Variants in REEP5 observed in about 807,000 individuals in gnomAD.
The protein encoded by REEP5 is receptor expression-enhancing protein 5.
A neutral mutation model predicts 22.4 loss-of-function variants in REEP5; 24 were observed. The ratio of observed to expected loss-of-function variants is 1.07; its 90% confidence interval spans 0.78 to 1.51. The LOEUF is 1.51. Ranked by LOEUF, REEP5 falls within the 40% of genes most tolerant of loss-of-function variation. The pLI is 0.00. For missense variants in REEP5, 252 were observed against 233.0 expected (o/e 1.08, Z -0.53); for synonymous variants, 103 against 88.6 (o/e 1.16, Z -0.92).
chr5:112,913,290 T>C (rs1769147969), intron 2 of REEP5, among the ~76,000 whole-genome samples: 1 of 119,116 alleles, frequency 8.4e-6, no homozygotes, highest in Non-Finnish European at 1.7e-5. Context: ...GGAAACTCCA[T>C]CAAGAAAGAA....
chr5:112,919,786 A>T (rs1466619678), intron 2 of REEP5, among the ~76,000 whole-genome samples: 1 of 152,126 alleles, frequency 6.6e-6, no homozygotes, highest in South Asian at 2.1e-4. Context: ...ATAAATTTCT[A>T]TTGTTTATAA....
intron 4 of REEP5, among the ~76,000 whole-genome samples, chr5:112,886,048 C>A (rs951928441): frequency 1.3e-5 from 2 of 152,218 alleles, no homozygotes; most frequent in Admixed American, 6.5e-5. Context: ...TTGGTGCAAA[C>A]CATTCTAAGG....
rs1767966202 is a variant in REEP5, at chr5:112,878,550, G to A, written c.*236C>T. On this transcript the variant is annotated 3_prime_UTR_variant, in exon 5 of 5. Transcript: ENST00000379638. ...CAACATACATCTTTTCCTACCCAGA[G>A]GCAAAATACATTTTCCAAAAACGTG... The A allele has an allele frequency of 1.9e-6, 1 of 514,362 alleles. No homozygotes were observed. Among genetic ancestry groups the A allele is most frequent in the South Asian group, 3.6e-5 (1 of 27,930 alleles). The allele number at this position is 514,362 out of a possible 1,614,324, so 31.9% of individuals were successfully genotyped here. A position where few individuals can be genotyped will look rare whatever the true frequency, so the allele number is the denominator to read the frequency against.
intron 3 of REEP5, chr5:112,891,552 G>C: frequency 3.9e-6 from 6 of 1,519,462 alleles, no homozygotes; most frequent in South Asian, 3.6e-5. Context: ...TTCATAAGTA[G>C]AATCACTGAC....
rs545220341 is a variant in REEP5, at chr5:112,879,574, T to C, written c.521-739A>G. Among the ~76,000 whole-genome samples, 64 of 152,168 alleles carry C rather than the reference T, an allele frequency of 4.2e-4. 1 individual carries two copies. The East Asian group carries it at 4.7e-3, about 11-fold the overall frequency. ...CTACAGGCTCTGCCTCCCGGGTTCA[T>C]GCCATTCTCCTGCCTCAGCCTCCCG... On this transcript the variant is annotated intron_variant, in intron 4 of 4. Transcript: ENST00000379638.
Position 112,877,839 on chromosome 5 carries a change from A to AAATC in REEP5, c.*943_*946dup, listed in dbSNP as rs1435448342. On this transcript the variant is annotated 3_prime_UTR_variant, in exon 5 of 5. Transcript: ENST00000379638. ...AAAAAGAAGATTGGGAAAGAAGACT[A>AAATC]AATCAACATGTTTCTCCGCTTTGAA... The AAATC allele has an allele frequency of 6.6e-6, 1 of 152,224 alleles. No individual in the cohort carries two copies. The highest frequency in any genetic ancestry group is 2.1e-4 in the South Asian group (1 of 4,836). The allele number at this position is 152,224 out of a possible 1,614,324, so 9.4% of individuals were successfully genotyped here.
chr5:112,906,377 G>A (rs1330635443), intron 2 of REEP5, among the ~76,000 whole-genome samples: 1 of 152,192 alleles, frequency 6.6e-6, no homozygotes, highest in African/African-American at 2.4e-5. Context: ...ACAGTTCAGT[G>A]GCAAGCTGGA....
At chr5:112,921,381 G>A (rs1160813698) in intron 1 of REEP5, 125 bp from the exon 2 acceptor site, 2 of 892,258 alleles carry the variant, frequency 2.2e-6, no homozygotes, top group African/African-American at 1.7e-5. Flanking sequence ...TTAAAGGAGC[G>A]AGAAAAACAA....
chr5:112,899,253 T>A (rs1163112812), intron 3 of REEP5, among the ~76,000 whole-genome samples: 1 of 124,796 alleles, frequency 8.0e-6, no homozygotes, highest in Non-Finnish European at 1.6e-5. Flanking sequence ...ATTTGTTTTT[T>A]GGTTTTCGGT....
At chr5:112,898,507 G>A (rs1036786094) in intron 3 of REEP5, 1 of 152,134 alleles carries the variant, frequency 6.6e-6, no homozygotes, top group Non-Finnish European at 1.5e-5. Flanking sequence ...ATTTATTTTG[G>A]ATCTTCTCTC....
intron 2 of REEP5, among the ~76,000 whole-genome samples, chr5:112,914,565 A>T (rs1438434925): frequency 2.0e-5 from 3 of 152,198 alleles, no homozygotes; most frequent in Non-Finnish European, 4.4e-5. Flanking sequence ...AAAAGAGCAG[A>T]TGCAAATCCC....
chr5:112,884,935 G>A lies in REEP5; in HGVS notation c.520+2080C>T, dbSNP rs1414715054. Among the ~76,000 whole-genome samples the A allele has an allele frequency of 5.3e-5, 8 of 152,062 alleles. No individual in the cohort carries two copies. The East Asian group carries it at 1.5e-3, about 29-fold the overall frequency. On this transcript the variant is annotated intron_variant, in intron 4 of 4. Transcript: ENST00000379638. ...TTCGGTATGCTGGTTCACTGCCAGT[G>A]TTATGAACATGCTTGGCACATATTA...
At chr5:112,902,690 G>A (rs574169360) in intron 2 of REEP5, among the ~76,000 whole-genome samples, 172 bp from the exon 3 acceptor site, 6 of 152,096 alleles carry the variant, frequency 3.9e-5, no homozygotes, top group East Asian at 1.9e-4. Flanking sequence ...TGTGGATATC[G>A]GGACAAGCCA....
chr5:112,921,117 A>T, intron 2 of REEP5, 46 bp downstream of exon 2: 1 of 1,566,526 alleles, frequency 6.4e-7, no homozygotes, highest in Non-Finnish European at 8.8e-7. Flanking sequence ...CCCTGCGGGG[A>T]GGAATGGAGG....
chr5:112,896,699 G>A (rs1768689861), intron 3 of REEP5: 2 of 151,964 alleles, frequency 1.3e-5, no homozygotes, highest in Admixed American at 1.3e-4. Context: ...ACTTCGGGAG[G>A]CTGAGGTGGG....
intron 3 of REEP5, 146 bp from the exon 4 acceptor site, chr5:112,887,329 G>A: frequency 1.4e-6 from 1 of 736,112 alleles, no homozygotes; most frequent in Non-Finnish European, 2.0e-6. Context: ...GCAGGTTAAA[G>A]GTGGGCTTTC....
rs913328751 is a variant in REEP5, at chr5:112,898,082, C to G, written c.351+4298G>C. On this transcript the variant is annotated intron_variant, in intron 3 of 4. Coordinates refer to ENST00000379638, the MANE Select transcript of REEP5 (RefSeq NM_005669.5). ...CCAAAAAACAAAAAACAAAACAAAC[C>G]CATGTCCTTACTTGTAAGTCTCTTT... 16 of 152,110 alleles carry G rather than the reference C, an allele frequency of 1.1e-4. No homozygotes were observed. The East Asian group carries it at 1.5e-3, about 15-fold the overall frequency. 9.4% of individuals were successfully genotyped at this position (152,110 alleles called of 1,614,324 possible). A position where few individuals can be genotyped will look rare whatever the true frequency, so the allele number is the denominator to read the frequency against.
At chr5:112,921,547 T>G in intron 1 of REEP5, 3 of 450,290 alleles carry the variant, frequency 6.7e-6, no homozygotes, top group Non-Finnish European at 8.2e-6. Flanking sequence ...AGGCACCCGC[T>G]TCCGCCCTCT....
At chr5:112,921,137 G>GGAC (rs1554095265) in intron 2 of REEP5, 26 bp downstream of exon 2, 6 of 1,608,068 alleles carry the variant, frequency 3.7e-6, no homozygotes, top group Admixed American at 1.7e-5. Flanking sequence ...GAAGGGAAGG[G>GGAC]GACGGCTGCA....
Sources: allele counts gnomAD v4.1 joint callset (sites outside exome capture counted in the v4.1 genomes callset), GRCh38; gene constraint gnomAD v4.1.1; transcripts MANE v1.5; gene names NCBI Gene and HGNC (gene_info 2026-07-23, HGNC 2026-07-21).